The following KCNIP4 variants were observed in gnomAD, a reference collection of about 807,000 sequenced individuals.
KCNIP4 encodes Kv channel-interacting protein 4.
Under a neutral mutation model 34.0 loss-of-function variants are expected in KCNIP4, and 12 were observed. That is an observed-to-expected ratio of 0.35 (90% CI 0.23 to 0.57). KCNIP4 has a LOEUF of 0.57. Among genes scored for constraint, KCNIP4 ranks in the 20% least tolerant of loss-of-function variants. The pLI is 0.83. For missense variants in KCNIP4, 238 were observed against 311.7 expected (o/e 0.76, Z 1.78); for synonymous variants, 124 against 102.2 (o/e 1.21, Z -1.29).
intron 1 of KCNIP4, among the ~76,000 whole-genome samples, chr4:21,483,230 A>T (rs937936091): frequency 2.0e-5 from 3 of 150,446 alleles, no homozygotes; most frequent in African/African-American, 7.3e-5. Flanking sequence ...GTATAATTTA[A>T]ATATATATAT....
intron 1 of KCNIP4, among the ~76,000 whole-genome samples, chr4:21,675,609 A>G (rs1231446565): frequency 6.6e-6 from 1 of 152,138 alleles, no homozygotes; most frequent in Admixed American, 6.5e-5. Flanking sequence ...TTAAAAGAAA[A>G]GAAACACCAT....
intron 1 of KCNIP4, among the ~76,000 whole-genome samples, chr4:21,773,745 G>GTTTTGT (rs1718971393): frequency 1.7e-5 from 2 of 115,426 alleles, no homozygotes; most frequent in African/African-American, 1.1e-4. Context: ...TTTTTTTGTT[G>GTTTTGT]TTTTTTTTTT....
In KCNIP4 at chr4:21,636,979, G is replaced by A. The variant is rs115193109; in HGVS notation, c.61+311592C>T. 6.9e-3 allele frequency among the ~76,000 whole-genome samples: 1,058 copies of A among 152,236 alleles called. 11 individuals are homozygous for A. The highest frequency in any genetic ancestry group is 0.024 in the African/African-American group (997 of 41,558). On this transcript the variant is annotated intron_variant, in intron 1 of 8. Transcript: ENST00000382152. ...AAACATTTAATAATAGTTGTTGCCT[G>A]TTGTTTTGCTATTTTTTGTTACTCA...
intron 1 of KCNIP4, among the ~76,000 whole-genome samples, chr4:21,787,170 A>G (rs904917801): frequency 6.6e-6 from 1 of 152,242 alleles, no homozygotes; most frequent in African/African-American, 2.4e-5. Context: ...GAAAATGTTT[A>G]AATTTACCTT....
intron 1 of KCNIP4, among the ~76,000 whole-genome samples, chr4:21,765,276 A>C (rs1577959103): frequency 6.7e-6 from 1 of 150,200 alleles, no homozygotes; most frequent in Non-Finnish European, 1.5e-5. Context: ...CCATCTCAGC[A>C]TCCCAAGTAT....
At chr4:21,774,712 TC>T (rs1719054897) in intron 1 of KCNIP4, among the ~76,000 whole-genome samples, 1 of 152,194 alleles carries the variant, frequency 6.6e-6, no homozygotes, top group Admixed American at 6.5e-5. Context: ...ATCTCTGATA[TC>T]CTTTCCTCCA....
At chr4:21,242,241 G>A (rs1759881452) in intron 1 of KCNIP4, among the ~76,000 whole-genome samples, 1 of 148,626 alleles carries the variant, frequency 6.7e-6, no homozygotes, top group South Asian at 2.2e-4. Context: ...CCAAAGAAAT[G>A]TGAAGCATTT....
intron 1 of KCNIP4, among the ~76,000 whole-genome samples, chr4:20,954,778 G>T (rs1020258036): frequency 6.6e-6 from 1 of 152,138 alleles, no homozygotes; most frequent in African/African-American, 2.4e-5. Flanking sequence ...ATTAGCTACA[G>T]CTGGCTGGCA....
intron 3 of KCNIP4, among the ~76,000 whole-genome samples, chr4:20,835,270 A>G (rs1184634270): frequency 6.6e-6 from 1 of 152,006 alleles, no homozygotes; most frequent in East Asian, 1.9e-4. Flanking sequence ...CTGATCCTCT[A>G]AATGCTAGAG....
intron 1 of KCNIP4, among the ~76,000 whole-genome samples, chr4:21,896,933 TAATAAATA>T (rs57096209): frequency 0.42 from 61,557 of 147,044 alleles, 14,480 homozygotes; most frequent in South Asian, 0.61. Context: ...CATAAATAAA[TAATAAATA>T]AATAAATAAA....
intron 1 of KCNIP4, among the ~76,000 whole-genome samples, chr4:21,893,112 C>G (rs561534428): frequency 2.6e-5 from 4 of 152,106 alleles, no homozygotes; most frequent in African/African-American, 7.2e-5. Flanking sequence ...TAAGCAAGAG[C>G]CTTAATGAGC....
At chr4:21,880,886 C>T (rs928895996) in intron 1 of KCNIP4, among the ~76,000 whole-genome samples, 5 of 152,132 alleles carry the variant, frequency 3.3e-5, no homozygotes, top group African/African-American at 9.7e-5. Flanking sequence ...CCTCTTACTT[C>T]TTATGTGGAT....
At chr4:21,831,628 T>C (rs889864848) in intron 1 of KCNIP4, among the ~76,000 whole-genome samples, 1 of 45,650 alleles carries the variant, frequency 2.2e-5, no homozygotes, top group Non-Finnish European at 4.1e-5. Flanking sequence ...AGACCAATAA[T>C]AAGAAGATTG....
chr4:21,484,872 T>G (rs950375772), intron 1 of KCNIP4, among the ~76,000 whole-genome samples: 1 of 152,212 alleles, frequency 6.6e-6, no homozygotes, highest in African/African-American at 2.4e-5. Context: ...GATTGCAGGC[T>G]ACTTGAGGGC....
chr4:21,211,254 G>A (rs895293868), intron 1 of KCNIP4, among the ~76,000 whole-genome samples: 8 of 152,108 alleles, frequency 5.3e-5, no homozygotes, highest in Admixed American at 2.0e-4. Flanking sequence ...TATAAACTGT[G>A]CACTTTAAAG....
intron 1 of KCNIP4, among the ~76,000 whole-genome samples, chr4:21,808,094 G>A (rs892646077): frequency 2.6e-5 from 4 of 152,300 alleles, no homozygotes; most frequent in African/African-American, 9.6e-5. Flanking sequence ...TTTGACATAT[G>A]TATATCATAT....
chr4:21,871,292 G>A (rs1725794807), intron 1 of KCNIP4, among the ~76,000 whole-genome samples: 1 of 111,040 alleles, frequency 9.0e-6, no homozygotes, highest in South Asian at 3.3e-4. Flanking sequence ...ACAGGCCCCG[G>A]TGTGTGATGT....
At chr4:21,499,347 C>A (rs1263440602) in intron 1 of KCNIP4, among the ~76,000 whole-genome samples, 301 of 136,416 alleles carry the variant, frequency 2.2e-3, no homozygotes, top group African/African-American at 7.8e-3. Context: ...AAAAAAAAAA[C>A]AACTACATAA....
At chr4:21,310,874 C>T (rs574456761) in intron 1 of KCNIP4, among the ~76,000 whole-genome samples, 2 of 152,212 alleles carry the variant, frequency 1.3e-5, no homozygotes, top group Admixed American at 1.3e-4. Flanking sequence ...GTGATCCGCC[C>T]GCCTCGACCT....
Sources: allele counts gnomAD v4.1 joint callset (sites outside exome capture counted in the v4.1 genomes callset), GRCh38; gene constraint gnomAD v4.1.1; transcripts MANE v1.5; gene names NCBI Gene and HGNC (gene_info 2026-07-23, HGNC 2026-07-21).